FLT3LG: variants seen among roughly 807,000 people sequenced by gnomAD.
FLT3LG encodes the protein fms-related tyrosine kinase 3 ligand.
Under a neutral mutation model 30.9 loss-of-function variants are expected in FLT3LG, and 8 were observed. That is an observed-to-expected ratio of 0.26 (90% CI 0.15 to 0.47). The LOEUF is 0.47. Among genes scored for constraint, FLT3LG ranks in the 20% least tolerant of loss-of-function variants. The probability of loss-of-function intolerance (pLI) is 0.99; values close to 1 mark genes in which losing one functional copy is unlikely to be tolerated. For missense variants in FLT3LG, 278 were observed against 306.2 expected (o/e 0.91, Z 0.69); for synonymous variants, 123 against 135.9 (o/e 0.91, Z 0.66).
chr19:49,483,866 CAAAAAAAA>C lies in FLT3LG; in HGVS notation c.*22-2130_*22-2123del, dbSNP rs34619675. Among the ~76,000 whole-genome samples, 5 of 50,112 alleles carry C rather than the reference CAAAAAAAA, an allele frequency of 1.0e-4. No individual in the cohort carries two copies. In the South Asian group the frequency reaches 2.8e-3, roughly 28 times the overall value. The allele number at this position is 50,112 out of a possible 152,430, so 32.9% of individuals were successfully genotyped here. ...TGGGCAATAGAGGGAGACTCTGTCT[CAAAAAAAA>C]AAAAAAAAAAAAAAAAAAGATCAAA... On this transcript the variant is annotated intron_variant, in intron 8 of 8. Transcript: ENST00000597551.
Position 49,476,642 on chromosome 19 carries a change from C to G in FLT3LG, c.342+76C>G. On this transcript the variant is annotated intron_variant, in intron 5 of 8. Transcript: ENST00000597551. The surrounding 1 kb of genome is among the most constrained non-coding windows in gnomAD (Gnocchi z 5.3). The stretch of plus-strand genomic sequence containing the variant: ...GAATTAGAAGTAAAGCTCCACTAGG[C>G]CTTATTGGCGATTTGGACCATAGCC... The G allele has an allele frequency of 6.3e-7, 1 of 1,591,120 alleles. No homozygotes were observed. Among genetic ancestry groups the G allele is most frequent in the Non-Finnish European group, 8.6e-7 (1 of 1,166,322 alleles).
chr19:49,476,284 T>C lies in FLT3LG; in HGVS notation c.198+86T>C. The stretch of plus-strand genomic sequence containing the variant: ...CCGAGGCGAGTGGATAACCAGGCCC[T>C]CCCCTCCCCAAACCCAGGAATCAGA... On this transcript the variant is annotated intron_variant, in intron 4 of 8. Transcript: ENST00000597551. The surrounding 1 kb of genome is among the most constrained non-coding windows in gnomAD (Gnocchi z 5.3). 1 of 1,442,780 alleles carries C rather than the reference T, an allele frequency of 6.9e-7. No individual in the cohort carries two copies. The highest frequency in any genetic ancestry group is 9.7e-7 in the Non-Finnish European group (1 of 1,032,870). The allele number at this position is 1,442,780 out of a possible 1,614,324, so 89.4% of individuals were successfully genotyped here.
At chr19:49,482,784 C>T (rs531350938) in intron 8 of FLT3LG, among the ~76,000 whole-genome samples, 5 of 152,070 alleles carry the variant, frequency 3.3e-5, no homozygotes, top group African/African-American at 1.2e-4. Flanking sequence ...CGCGCCATCA[C>T]GCCCGGCTAA....
intron 5 of FLT3LG, among the ~76,000 whole-genome samples, chr19:49,478,571 G>A (rs1334381717): frequency 1.3e-5 from 2 of 151,892 alleles, no homozygotes; most frequent in East Asian, 1.9e-4. Flanking sequence ...TCAGGAGTTC[G>A]AGACCAGCCT....
chr19:49,482,751 C>T (rs1329716902), intron 8 of FLT3LG, among the ~76,000 whole-genome samples: 2 of 151,842 alleles, frequency 1.3e-5, no homozygotes, highest in Non-Finnish European at 1.5e-5. Flanking sequence ...CTTCAGTCTA[C>T]CGAGTAGCTG....
In FLT3LG at chr19:49,476,706, G is replaced by A. The variant is rs907200240; in HGVS notation, c.342+140G>A. The stretch of plus-strand genomic sequence containing the variant: ...AGAGCGAGAAGCGCCACCCTGCAGA[G>A]CCCTGTTCCTACAGAACAACACGTC... On this transcript the variant is annotated intron_variant, in intron 5 of 8. Transcript: ENST00000597551. This position sits in a 1 kb window ranked among gnomAD's most constrained non-coding sequence, Gnocchi z 5.3. The A allele has an allele frequency of 1.9e-4, 213 of 1,112,206 alleles. 5 individuals carry two copies. The South Asian group carries it at 2.4e-3, about 13-fold the overall frequency. The allele number at this position is 1,112,206 out of a possible 1,614,324, so 68.9% of individuals were successfully genotyped here.
chr19:49,480,746 C>G (rs1021491093), intron 8 of FLT3LG, 126 bp downstream of exon 8: 3 of 1,031,014 alleles, frequency 2.9e-6, no homozygotes, highest in South Asian at 3.1e-5. Context: ...AAAGACCCCT[C>G]TGGGGCCAGG....
intron 5 of FLT3LG, among the ~76,000 whole-genome samples, chr19:49,478,265 A>G (rs970069252): frequency 1.3e-5 from 2 of 151,674 alleles, no homozygotes; most frequent in African/African-American, 2.4e-5. Flanking sequence ...CAGGAGATCA[A>G]GACCATCCTG....
At chr19:49,479,360 A>G (rs981004774) in intron 6 of FLT3LG, among the ~76,000 whole-genome samples, 1 of 150,752 alleles carries the variant, frequency 6.6e-6, no homozygotes, top group Non-Finnish European at 1.5e-5. Context: ...ACACCCGGCT[A>G]ATTTTTTGTA....
In FLT3LG at chr19:49,476,598, GA is replaced by G; in HGVS notation, c.342+33del. On this transcript the variant is annotated intron_variant, in intron 5 of 8. Transcript: ENST00000597551. This position sits in a 1 kb window ranked among gnomAD's most constrained non-coding sequence, Gnocchi z 5.3. ...CCTCAACTTAGGGGACAAGTGAGGG[GA>G]GGGAGATGCCTTCCTACGAATTAGA... 6.2e-7 allele frequency: 1 copy of G among 1,613,072 alleles called. No homozygotes were observed. The highest frequency in any genetic ancestry group is 8.5e-7 in the Non-Finnish European group (1 of 1,179,626).
At chr19:49,475,871 G>A in intron 3 of FLT3LG, 70 bp downstream of exon 3, 1 of 1,327,712 alleles carries the variant, frequency 7.5e-7, no homozygotes, top group South Asian at 1.2e-5. Flanking sequence ...AAGTAGAGAT[G>A]GGGTCTCTCT....
intron 8 of FLT3LG, among the ~76,000 whole-genome samples, chr19:49,485,239 CTTTTTTTTCTTT>C (rs1400117506): frequency 4.4e-3 from 622 of 140,850 alleles, no homozygotes; most frequent in African/African-American, 0.017. Flanking sequence ...GTTTCTTTTT[CTTTTTTTTCTTT>C]TTTTTTTTTT....
chr19:49,479,993 G>A (rs2122536103), intron 6 of FLT3LG, among the ~76,000 whole-genome samples: 1 of 151,342 alleles, frequency 6.6e-6, no homozygotes, highest in Middle Eastern at 3.4e-3. Flanking sequence ...TAGTAGAGAT[G>A]GGTTTTCACC....
At chr19:49,477,511 G>C (rs141541496) in intron 5 of FLT3LG, among the ~76,000 whole-genome samples, 5,535 of 151,924 alleles carry the variant, frequency 0.036, 319 homozygotes, top group African/African-American at 0.13. Context: ...GGCTGAGGCG[G>C]GTGGATTGCC....
At chr19:49,482,704 T>G (rs2122566485) in intron 8 of FLT3LG, among the ~76,000 whole-genome samples, 1 of 151,718 alleles carries the variant, frequency 6.6e-6, no homozygotes, top group East Asian at 1.9e-4. Flanking sequence ...CTCAGCTCAC[T>G]GCAACCTCCA....
At chr19:49,480,992 A>ACTGGACTCCAGCCTGAGTGACAGAG (rs2079587811) in intron 8 of FLT3LG, 1 of 171,162 alleles carries the variant, frequency 5.8e-6, no homozygotes, top group Non-Finnish European at 1.2e-5. Flanking sequence ...AGATTGCGCC[A>ACTGGACTCCAGCCTGAGTGACAGAG]CTGGACTCCA....
intron 1 of FLT3LG, 124 bp from the exon 2 acceptor site, chr19:49,474,479 G>A: frequency 1.5e-6 from 1 of 678,340 alleles, no homozygotes; most frequent in Non-Finnish European, 2.6e-6. Flanking sequence ...AGGAAGCCTG[G>A]GGGAGGAAGG....
At chr19:49,484,026 A>C (rs1039849024) in intron 8 of FLT3LG, among the ~76,000 whole-genome samples, 24 of 151,186 alleles carry the variant, frequency 1.6e-4, no homozygotes, top group African/African-American at 5.8e-4. Context: ...CTTGGACTAC[A>C]GGCGCGTGCC....
intron 8 of FLT3LG, among the ~76,000 whole-genome samples, chr19:49,483,211 G>C (rs577836036): frequency 6.6e-6 from 1 of 151,424 alleles, no homozygotes. Flanking sequence ...CTGCAACCTC[G>C]GACTCCCTGG....
Sources: gnomAD v4.1 joint callset for allele counts (sites outside exome capture counted in the v4.1 genomes callset) on GRCh38, gnomAD v4.1.1 for gene constraint, Gnocchi (gnomAD v3.1) non-coding constraint, MANE v1.5 for transcripts, NCBI Gene and HGNC (gene_info 2026-07-23, HGNC 2026-07-21) for gene names.